CDR2: variants seen among roughly 807,000 people sequenced by gnomAD.
The protein encoded by CDR2 is cerebellar degeneration related protein 2.
A neutral mutation model predicts 48.4 loss-of-function variants in CDR2; 34 were observed. The observed-to-expected ratio is 0.70, with a 90% CI of 0.53 to 0.94. CDR2 has a LOEUF of 0.94. CDR2 is among the 40% of genes least tolerant of loss of function. CDR2 has a pLI of 0.00. For synonymous variants in CDR2, 240 were observed against 219.7 expected (o/e 1.09, Z -0.82); for missense variants, 498 against 549.5 (o/e 0.91, Z 0.94).
chr16:22,347,291 G>A lies in CDR2; in HGVS notation c.1039C>T (p.His347Tyr). Residue 347 changes from histidine to tyrosine, a missense_variant, in exon 5 of 5, where the codon CAC (histidine) becomes TAC (tyrosine). By Grantham distance (83) the His-to-Tyr change is moderately conservative. Transcript: ENST00000268383. ...GCGCTGTACTGCGTGTCCACTTCGTGCAGAAGGGAGATGCCCCTCTGTTTC... is the reference window on the plus strand; with the variant it reads ...GCGCTGTACTGCGTGTCCACTTCGTACAGAAGGGAGATGCCCCTCTGTTTC... The part of the protein sequence containing the change: ...AVKQRGISLL[H>Y]EVDTQYSALK... The A allele has an allele frequency of 6.2e-7, 1 of 1,614,226 alleles. No homozygotes were observed. The highest frequency in any genetic ancestry group is 8.5e-7 in the Non-Finnish European group (1 of 1,180,042).
chr16:22,350,710 T>A (rs916960611), intron 2 of CDR2, among the ~76,000 whole-genome samples: 15 of 152,198 alleles, frequency 9.9e-5, no homozygotes, highest in African/African-American at 3.6e-4. Context: ...AATACCCCAG[T>A]GCATTGTGAG....
intron 2 of CDR2, 110 bp from the exon 3 acceptor site, chr16:22,349,959 C>A (rs1344600324): frequency 3.2e-6 from 3 of 928,094 alleles, no homozygotes; most frequent in Non-Finnish European, 5.0e-6. Context: ...GAGGCCAAGA[C>A]GTGTGGATCA....
chr16:22,366,548 C>T (rs2049045835), intron 1 of CDR2, among the ~76,000 whole-genome samples: 1 of 152,046 alleles, frequency 6.6e-6, no homozygotes, highest in South Asian at 2.1e-4. Flanking sequence ...AAACAGCACT[C>T]CAGGCAGAGG....
chr16:22,371,868 G>C (rs2049080487), intron 1 of CDR2, among the ~76,000 whole-genome samples: 1 of 151,724 alleles, frequency 6.6e-6, no homozygotes, highest in African/African-American at 2.4e-5. Context: ...GTGTGTGTGT[G>C]TGTGTGTGTG....
chr16:22,374,186 C>G (rs1417852258), intron 1 of CDR2, 45 bp downstream of exon 1: 9 of 1,357,210 alleles, frequency 6.6e-6, no homozygotes, highest in Non-Finnish European at 9.3e-6. Context: ...GCGGGGGCCT[C>G]CCGGGCCAGG....
chr16:22,355,691 C>T (rs1273318761), intron 2 of CDR2, among the ~76,000 whole-genome samples: 1 of 152,148 alleles, frequency 6.6e-6, no homozygotes, highest in Non-Finnish European at 1.5e-5. Context: ...TAGCCAAGCC[C>T]CCAAACATGC....
At chr16:22,372,042 G>C (rs1005604458) in intron 1 of CDR2, among the ~76,000 whole-genome samples, 5 of 152,074 alleles carry the variant, frequency 3.3e-5, no homozygotes, top group African/African-American at 1.2e-4. Flanking sequence ...ACCTAATTTT[G>C]TATTTTTAGT....
chr16:22,351,347 A>G (rs900701232), intron 2 of CDR2, among the ~76,000 whole-genome samples: 2 of 152,212 alleles, frequency 1.3e-5, no homozygotes, highest in Non-Finnish European at 2.9e-5. Flanking sequence ...TCTTTATAGC[A>G]GCATGATTTA....
intron 2 of CDR2, 22 bp downstream of exon 2, chr16:22,364,880 A>C: frequency 7.1e-7 from 1 of 1,406,908 alleles, no homozygotes; most frequent in Non-Finnish European, 1.0e-6. Context: ...CAAAAGTGTA[A>C]CTCTCCTGCC....
chr16:22,366,653 G>A (rs998353823), intron 1 of CDR2, among the ~76,000 whole-genome samples: 1 of 151,998 alleles, frequency 6.6e-6, no homozygotes, highest in African/African-American at 2.4e-5. Flanking sequence ...GGAGGGGAGG[G>A]GGAAGACTCA....
At chr16:22,361,621 C>T (rs1251248754) in intron 2 of CDR2, among the ~76,000 whole-genome samples, 1 of 152,202 alleles carries the variant, frequency 6.6e-6, no homozygotes, top group South Asian at 2.1e-4. Flanking sequence ...TTACTGCCAT[C>T]TCATCTCCCC....
At chr16:22,361,227 T>G (rs993904909) in intron 2 of CDR2, among the ~76,000 whole-genome samples, 5 of 152,210 alleles carry the variant, frequency 3.3e-5, no homozygotes, top group Non-Finnish European at 7.3e-5. Context: ...ATAGGTTGCA[T>G]GGGCATGTTT....
At chr16:22,365,072 T>G in intron 1 of CDR2, 58 bp from the exon 2 acceptor site, 1 of 1,117,594 alleles carries the variant, frequency 8.9e-7, no homozygotes, top group Non-Finnish European at 1.4e-6. Context: ...ACAATTTATA[T>G]AACCCAGTCC....
At chr16:22,348,859 G>A (rs1013561443) in intron 4 of CDR2, among the ~76,000 whole-genome samples, 1 of 152,200 alleles carries the variant, frequency 6.6e-6, no homozygotes. Flanking sequence ...CATACAGCTT[G>A]CCACACAAGT....
In CDR2 at chr16:22,356,661, G is replaced by T. The variant is rs1247755710; in HGVS notation, c.193-6812C>A. Among the ~76,000 whole-genome samples the T allele has an allele frequency of 2.0e-5, 3 of 152,100 alleles. No individual in the cohort carries two copies. The South Asian group carries it at 6.2e-4, about 32-fold the overall frequency. ...CCAGCTACTCAGGAGGCTGAGGCAG[G>T]AGAATCACTTGAACCCAGGAGGTGG... On this transcript the variant is annotated intron_variant, in intron 2 of 4. Coordinates refer to ENST00000268383, the MANE Select transcript of CDR2 (RefSeq NM_001802.2).
At position 22,365,014 on chromosome 16, in the gene CDR2, T is replaced by C; in HGVS notation, c.80A>G (p.Asp27Gly). The C allele has an allele frequency of 6.3e-7, 1 of 1,577,578 alleles. No individual in the cohort carries two copies. Among genetic ancestry groups the C allele is most frequent in the Non-Finnish European group, 8.7e-7 (1 of 1,146,802 alleles). The change falls in exon 2 of 5, where the codon GAT (aspartate) becomes GGT (glycine). Residue 27 changes from aspartate (D) to glycine (G), a missense_variant and splice_region_variant. Coordinates refer to ENST00000268383, the MANE Select transcript of CDR2 (RefSeq NM_001802.2). ...CCCAAGCTCAGCAGCAAGTTGAAGATCTAGCACAACAAATGAATCTTAGAA... is the reference window on the plus strand; with the variant it reads ...CCCAAGCTCAGCAGCAAGTTGAAGACCTAGCACAACAAATGAATCTTAGAA... ...PWYDHQDLQQ[D>G]LQLAAELGKT...
chr16:22,373,193 CCTG>C (rs1210790407), intron 1 of CDR2, among the ~76,000 whole-genome samples: 2 of 152,154 alleles, frequency 1.3e-5, no homozygotes, highest in Non-Finnish European at 2.9e-5. Flanking sequence ...ACTGCTAGCT[CCTG>C]CTATTAGTAT....
chr16:22,365,980 A>G (rs1490253706), intron 1 of CDR2, among the ~76,000 whole-genome samples: 2 of 152,226 alleles, frequency 1.3e-5, no homozygotes, highest in Non-Finnish European at 2.9e-5. Flanking sequence ...TGACTGTCTT[A>G]TCAATATAAG....
chr16:22,348,307 CA>C (rs2141842182), intron 4 of CDR2, among the ~76,000 whole-genome samples: 1 of 152,226 alleles, frequency 6.6e-6, no homozygotes, highest in Admixed American at 6.5e-5. Context: ...GGTAAATAAA[CA>C]CATGAAAGCA....
Sources: allele counts gnomAD v4.1 joint callset (sites outside exome capture counted in the v4.1 genomes callset), GRCh38; gene constraint gnomAD v4.1.1; transcripts MANE v1.5; gene names NCBI Gene and HGNC (gene_info 2026-07-23, HGNC 2026-07-21).